Variants in SMCO2 observed in about 807,000 individuals in gnomAD.
The protein encoded by SMCO2 is single-pass membrane and coiled-coil domain-containing protein 2.
A neutral mutation model predicts 29.5 loss-of-function variants in SMCO2; 25 were observed. The ratio of observed to expected loss-of-function variants is 0.85; its 90% CI spans 0.62 to 1.18. The LOEUF is 1.18. Ranked by LOEUF, SMCO2 falls within the 50% of genes most tolerant of loss-of-function variation. The pLI is 0.00. For missense variants in SMCO2, 348 were observed against 344.5 expected (o/e 1.01, Z -0.08); for synonymous variants, 117 against 123.3 (o/e 0.95, Z 0.34).
At chr12:27,466,149 C>G (rs575907551), upstream of SMCO2, among the ~76,000 whole-genome samples, 2 of 152,182 alleles carry the variant, frequency 1.3e-5, no homozygotes, top group Admixed American at 6.5e-5. Context: ...GGGCCCGGTG[C>G]AGTGGCTCAC....
chr12:27,466,234 C>T (rs2135538988), upstream of SMCO2, among the ~76,000 whole-genome samples: 1 of 152,084 alleles, frequency 6.6e-6, no homozygotes, highest in African/African-American at 2.4e-5. Context: ...CCAGCCCGGC[C>T]AACATGGTGA....
At chr12:27,450,094 A>C in the SMCO2 span, among the ~76,000 whole-genome samples, 2 of 152,210 alleles carry the variant, frequency 1.3e-5, no homozygotes, top group African/African-American at 4.8e-5. Flanking sequence ...ACATTCAGGA[A>C]CACAGAGTTC....
exon 4 of SMCO2, chr12:27,474,864 C>T: frequency 6.4e-7 from 1 of 1,551,424 alleles, no homozygotes; most frequent in Non-Finnish European, 8.7e-7. Flanking sequence ...TGATGAGGAC[C>T]CTCAAGCGTC....
In SMCO2 at chr12:27,474,928, A is replaced by G. The variant is rs1381923659; in HGVS notation, c.362+15A>G. 1 of 1,549,394 alleles carries G rather than the reference A, an allele frequency of 6.5e-7. No homozygotes were observed. The highest frequency in any genetic ancestry group is 8.7e-7 in the Non-Finnish European group (1 of 1,145,938). On this transcript the variant is annotated intron_variant, in intron 4 of 7. Coordinates refer to ENST00000298876, the Ensembl canonical transcript of SMCO2. Reference sequence around the variant, plus strand: ...CTCCTTGAACTGTAAGTCTTGACACATGCAAGACAGAGCATTTAATAATGT... The same window carrying G: ...CTCCTTGAACTGTAAGTCTTGACACGTGCAAGACAGAGCATTTAATAATGT...
the SMCO2 span, among the ~76,000 whole-genome samples, chr12:27,448,495 C>A: frequency 6.6e-6 from 1 of 152,144 alleles, no homozygotes; most frequent in Non-Finnish European, 1.5e-5. Context: ...AATAAACAAA[C>A]CTGAGAATTG....
At chr12:27,441,664 T>C in the SMCO2 span, among the ~76,000 whole-genome samples, 1 of 44,066 alleles carries the variant, frequency 2.3e-5, no homozygotes. Flanking sequence ...AATAGACAGA[T>C]CATCCAGACA....
At chr12:27,428,936 C>T in the SMCO2 span, among the ~76,000 whole-genome samples, 7 of 151,120 alleles carry the variant, frequency 4.6e-5, no homozygotes, top group Non-Finnish European at 7.4e-5. Flanking sequence ...GAGCAATCAC[C>T]CAAAAGGCTT....
intron 4 of SMCO2, among the ~76,000 whole-genome samples, chr12:27,486,695 C>A (rs1187636231): frequency 1.3e-5 from 2 of 152,194 alleles, no homozygotes; most frequent in Non-Finnish European, 2.9e-5. Flanking sequence ...CTATTTTAAT[C>A]ATCAGCATTC....
the SMCO2 span, among the ~76,000 whole-genome samples, chr12:27,455,468 A>T: frequency 6.6e-6 from 1 of 152,216 alleles, no homozygotes; most frequent in Non-Finnish European, 1.5e-5. Context: ...AAAATCACAA[A>T]TTGCTTTCAG....
intron 7 of SMCO2, among the ~76,000 whole-genome samples, chr12:27,500,194 T>C (rs1943060240): frequency 6.6e-6 from 1 of 150,466 alleles, no homozygotes; most frequent in African/African-American, 2.5e-5. Context: ...AAAATGAATA[T>C]CATGCTTAGT....
chr12:27,473,568 A>G (rs576742717), intron 3 of SMCO2, among the ~76,000 whole-genome samples: 3 of 152,196 alleles, frequency 2.0e-5, no homozygotes, highest in African/African-American at 7.2e-5. Flanking sequence ...CTTGTTTGGG[A>G]CCACCACTTA....
chr12:27,453,145 A>G, the SMCO2 span, among the ~76,000 whole-genome samples: 1 of 152,206 alleles, frequency 6.6e-6, no homozygotes, highest in African/African-American at 2.4e-5. Context: ...TTGAGCATCC[A>G]TCATATCATA....
chr12:27,485,119 G>A (rs1441711342), intron 4 of SMCO2, among the ~76,000 whole-genome samples: 5 of 150,086 alleles, frequency 3.3e-5, no homozygotes, highest in African/African-American at 1.2e-4. Flanking sequence ...ATAACTCACT[G>A]ATGTTCTGGG....
At chr12:27,456,878 C>T in the SMCO2 span, among the ~76,000 whole-genome samples, 2 of 152,140 alleles carry the variant, frequency 1.3e-5, no homozygotes, top group Admixed American at 1.3e-4. Flanking sequence ...GTGAGCATTG[C>T]TACTGAGCTC....
chr12:27,456,384 T>G, the SMCO2 span, among the ~76,000 whole-genome samples: 855 of 152,340 alleles, frequency 5.6e-3, 7 homozygotes, highest in African/African-American at 0.019. Context: ...TTCCTCATTT[T>G]TAAAGTCTGT....
exon 7 of SMCO2, chr12:27,495,855 G>T: frequency 6.7e-7 from 1 of 1,481,608 alleles, no homozygotes; most frequent in South Asian, 1.4e-5. Context: ...AATACAGCAT[G>T]GTAAGTCAGA....
At chr12:27,470,084 T>C (rs1232870434) in intron 1 of SMCO2, among the ~76,000 whole-genome samples, 1 of 152,182 alleles carries the variant, frequency 6.6e-6, no homozygotes, top group African/African-American at 2.4e-5. Flanking sequence ...TTTATACTAC[T>C]AAGCAATTAG....
At chr12:27,463,319 C>T (rs912631505), upstream of SMCO2, among the ~76,000 whole-genome samples, 10 of 152,140 alleles carry the variant, frequency 6.6e-5, no homozygotes, top group Admixed American at 2.0e-4. Context: ...GGCTGGAGTG[C>T]AGTGGCATGA....
chr12:27,488,270 T>A (rs1949705879), intron 4 of SMCO2, among the ~76,000 whole-genome samples, 190 bp from the exon 6 acceptor site: 1 of 152,208 alleles, frequency 6.6e-6, no homozygotes, highest in African/African-American at 2.4e-5. Context: ...CATATCTCTT[T>A]AATATTATCT....
Sources: allele counts gnomAD v4.1 joint callset (sites outside exome capture counted in the v4.1 genomes callset), GRCh38; gene constraint gnomAD v4.1.1; transcripts MANE v1.5; gene names NCBI Gene and HGNC (gene_info 2026-07-23, HGNC 2026-07-21).